TMC5: variants seen among roughly 807,000 people sequenced by gnomAD.
TMC5 encodes transmembrane channel-like protein 5.
TMC5 carries 86 observed loss-of-function variants against 110.5 expected under a neutral mutation model. The ratio of observed to expected loss-of-function variants is 0.78; its 90% CI spans 0.65 to 0.93. The LOEUF (loss-of-function observed/expected upper bound fraction) is 0.93, where lower values mean the gene tolerates loss of function less well. Among genes scored for constraint, TMC5 ranks in the 40% least tolerant of loss-of-function variants. The pLI is 0.00. For synonymous variants in TMC5, 455 were observed against 439.5 expected, an observed-to-expected ratio of 1.04 and a Z score of -0.44; for missense variants, 1,144 against 1,222.8, an observed-to-expected ratio of 0.94 and a Z score of 0.96.
At chr16:19,464,110 C>G in intron 8 of TMC5, 86 bp downstream of exon 8, 1 of 1,459,110 alleles carries the variant, frequency 6.9e-7, no homozygotes, top group Non-Finnish European at 9.3e-7. Flanking sequence ...ACTCACACCT[C>G]TCATTTTGCC....
chr16:19,440,132 A>G lies in TMC5; in HGVS notation c.94A>G (p.Thr32Ala). Residue 32 changes from threonine (T) to alanine (A), a missense_variant, in exon 3 of 22, where the codon ACT (threonine) becomes GCT (alanine). Thr to Ala is a moderately conservative substitution (Grantham distance 58). Transcript: ENST00000542583. Reference protein sequence around the residue: ...SQNRTQGYLKTQGYPDVPGPL... With the variant: ...SQNRTQGYLKAQGYPDVPGPL... The stretch of plus-strand genomic sequence containing the variant: ...GAACCGTACGCAGGGGTATTTGAAA[A>G]CTCAAGGTTATCCAGATGTTCCAGG... The G allele has an allele frequency of 6.2e-7, 1 of 1,613,812 alleles. No homozygotes were observed. The highest frequency in any genetic ancestry group is 8.5e-7 in the Non-Finnish European group (1 of 1,179,954).
intron 10 of TMC5, among the ~76,000 whole-genome samples, chr16:19,470,056 G>A (rs1307485189): frequency 4.6e-5 from 7 of 151,542 alleles, no homozygotes; most frequent in Middle Eastern, 3.2e-3. Context: ...CACCATGCCC[G>A]GCTAATTTTT....
chr16:19,424,191 C>T (rs1196830542), intron 1 of TMC5, among the ~76,000 whole-genome samples: 1 of 152,208 alleles, frequency 6.6e-6, no homozygotes, highest in Non-Finnish European at 1.5e-5. Context: ...TTCTGACCAG[C>T]TGGCTGTAAA....
chr16:19,482,721 A>G (rs1968647323), intron 15 of TMC5, among the ~76,000 whole-genome samples: 2 of 152,076 alleles, frequency 1.3e-5, no homozygotes, highest in Admixed American at 1.3e-4. Flanking sequence ...TGGGTTCTCT[A>G]TAGTTTTTTG....
At chr16:19,461,940 C>T (rs1318079079) in intron 6 of TMC5, among the ~76,000 whole-genome samples, 1 of 152,122 alleles carries the variant, frequency 6.6e-6, no homozygotes, top group East Asian at 1.9e-4. Flanking sequence ...GGTCTGCCCT[C>T]CCTGACTTTG....
intron 3 of TMC5, among the ~76,000 whole-genome samples, chr16:19,441,675 T>G (rs954308598): frequency 6.6e-6 from 1 of 152,242 alleles, no homozygotes; most frequent in Admixed American, 6.5e-5. Flanking sequence ...ACCAAAACTT[T>G]ACTGCAGATT....
At chr16:19,492,329 C>T in intron 19 of TMC5, 101 bp downstream of exon 19, 1 of 726,254 alleles carries the variant, frequency 1.4e-6, no homozygotes, top group Non-Finnish European at 2.3e-6. Flanking sequence ...ACTCTCATAT[C>T]CCTGCTCTCA....
intron 2 of TMC5, among the ~76,000 whole-genome samples, chr16:19,436,571 G>A (rs1300994797): frequency 6.6e-6 from 1 of 152,310 alleles, no homozygotes; most frequent in African/African-American, 2.4e-5. Context: ...AGTCTTCTTA[G>A]CACTACAGAC....
intron 6 of TMC5, among the ~76,000 whole-genome samples, chr16:19,461,206 T>C (rs1342548672): frequency 1.3e-5 from 2 of 152,146 alleles, no homozygotes; most frequent in Non-Finnish European, 2.9e-5. Context: ...TAGCGAGTGG[T>C]ATATGGAAGT....
intron 8 of TMC5, among the ~76,000 whole-genome samples, chr16:19,464,573 G>T (rs1490973799): frequency 6.6e-6 from 1 of 152,086 alleles, no homozygotes; most frequent in Admixed American, 6.5e-5. Flanking sequence ...TTCTGTGCAC[G>T]TACAGAGGCA....
chr16:19,466,075 C>T lies in TMC5; in HGVS notation c.1486-7C>T, dbSNP rs753541364. 4 of 1,612,676 alleles carry T rather than the reference C, an allele frequency of 2.5e-6. No homozygotes were observed. Among genetic ancestry groups the T allele is most frequent in the East Asian group, 2.2e-5 (1 of 44,832 alleles). On this transcript the variant is annotated splice_polypyrimidine_tract_variant and splice_region_variant and intron_variant, in intron 8 of 21. Coordinates refer to ENST00000542583, the MANE Select transcript of TMC5 (RefSeq NM_001261841.2). The stretch of plus-strand genomic sequence containing the variant: ...CCACCTGACCTATGGTTTATTGTAC[C>T]TTTCAGGGTTATTTTAGGGACACAG...
chr16:19,424,665 G>A (rs752467698), intron 1 of TMC5, among the ~76,000 whole-genome samples: 2 of 151,952 alleles, frequency 1.3e-5, no homozygotes, highest in Non-Finnish European at 2.9e-5. Flanking sequence ...AAAAGAATAT[G>A]ATAAAGGATA....
Position 19,449,724 on chromosome 16 carries a change from T to C in TMC5, c.1048+93T>C. ...GGGGGAGAGACCTGGTGGGAGGTGA[T>C]TGGATCATGGGGGTGGTTTCCCCCA... On this transcript the variant is annotated intron_variant, in intron 5 of 21. Coordinates refer to ENST00000542583, the MANE Select transcript of TMC5 (RefSeq NM_001261841.2). The C allele has an allele frequency of 3.5e-6, 4 of 1,135,728 alleles. No homozygotes were observed. In the South Asian group the frequency reaches 3.8e-5, roughly 11 times the overall value. The allele number at this position is 1,135,728 out of a possible 1,614,324, so 70.4% of individuals were successfully genotyped here. A position where few individuals can be genotyped will look rare whatever the true frequency, so the allele number is the denominator to read the frequency against.
chr16:19,492,915 G>GAGATATATATATATATATATATAT (rs1555486833), intron 19 of TMC5, among the ~76,000 whole-genome samples: 25 of 42,776 alleles, frequency 5.8e-4, no homozygotes, highest in Non-Finnish European at 1.3e-3. Flanking sequence ...TTAAAACTTA[G>GAGATATATATATATATATATATAT]ATATATATAT....
chr16:19,448,790 C>T (rs1490067450), intron 4 of TMC5, among the ~76,000 whole-genome samples: 3 of 141,000 alleles, frequency 2.1e-5, no homozygotes, highest in Admixed American at 7.2e-5. Context: ...ATTAGAAATA[C>T]AAAAAATATA....
chr16:19,432,552 G>T (rs529284481), intron 2 of TMC5, among the ~76,000 whole-genome samples: 5 of 152,156 alleles, frequency 3.3e-5, no homozygotes, highest in African/African-American at 1.2e-4. Context: ...TTCTCAGAAG[G>T]CCACTCCCAC....
intron 12 of TMC5, 107 bp downstream of exon 12, chr16:19,474,383 G>A (rs1467820504): frequency 3.0e-6 from 4 of 1,329,124 alleles, no homozygotes; most frequent in Non-Finnish European, 4.1e-6. Context: ...CTCCAGAGAG[G>A]AAGAATTTCA....
intron 18 of TMC5, 150 bp downstream of exon 18, chr16:19,490,718 C>T (rs557961835): frequency 9.7e-6 from 1 of 103,244 alleles, no homozygotes; most frequent in Non-Finnish European, 2.7e-5. Flanking sequence ...TTCTTTCCTT[C>T]CTTCCTTCCT....
At chr16:19,421,266 A>G (rs560453117) in intron 1 of TMC5, among the ~76,000 whole-genome samples, 69 of 152,048 alleles carry the variant, frequency 4.5e-4, no homozygotes, top group Admixed American at 3.1e-3. Context: ...TATTTTGATG[A>G]TATGGTGTGT....
Sources: gnomAD v4.1 joint callset for allele counts (sites outside exome capture counted in the v4.1 genomes callset) on GRCh38, gnomAD v4.1.1 for gene constraint, MANE v1.5 for transcripts, NCBI Gene and HGNC (gene_info 2026-07-23, HGNC 2026-07-21) for gene names.